SNX29: variants seen among roughly 807,000 people sequenced by gnomAD.
The protein encoded by SNX29 is sorting nexin-29.
A neutral mutation model predicts 102.1 loss-of-function variants in SNX29; 78 were observed. The ratio of observed to expected loss-of-function variants is 0.76; its 90% CI spans 0.64 to 0.92. The LOEUF is 0.92. SNX29 is among the 40% of genes least tolerant of loss of function. The pLI is 0.00. For missense variants in SNX29, 1,280 were observed against 1,061.7 expected (o/e 1.21, Z -2.86); for synonymous variants, 580 against 414.5 (o/e 1.40, Z -4.85).
intron 4 of SNX29, among the ~76,000 whole-genome samples, chr16:12,040,287 AG>A (rs2049826417): frequency 6.6e-6 from 1 of 152,130 alleles, no homozygotes; most frequent in African/African-American, 2.4e-5. Flanking sequence ...CTGAGACAGG[AG>A]GATCACTTGA....
rs2151218423 is a variant in SNX29, at chr16:12,051,901, C to T, written c.803C>T (p.Ser268Leu). 1 of 1,613,210 alleles carries T rather than the reference C, an allele frequency of 6.2e-7. No individual in the cohort carries two copies. Among genetic ancestry groups the T allele is most frequent in the Non-Finnish European group, 8.5e-7 (1 of 1,179,770 alleles). Residue 268 changes from serine to leucine, a missense_variant, in exon 8 of 21, where the codon TCA becomes TTA. Ser to Leu is a moderately radical substitution (Grantham distance 145). Transcript: ENST00000566228. The part of the protein sequence containing the change: ...KKKKKVTNII[S>L]FDDEEDEQNS... ...AAAAAGAAAGTGACCAACATAATCT[C>T]ATTTGATGATGAGGAAGATGAGCAG... is the stretch of plus-strand genomic sequence containing the variant.
intron 18 of SNX29, among the ~76,000 whole-genome samples, chr16:12,420,539 A>G (rs1358511288): frequency 1.3e-5 from 2 of 152,126 alleles, no homozygotes; most frequent in East Asian, 1.9e-4. Flanking sequence ...CTCAAGATGG[A>G]GTATGGTGTT....
rs146478616 is a variant in SNX29 at position 12,473,747 on chromosome 16, T to C, written c.2038-3972T>C. Among the ~76,000 whole-genome samples the C allele has an allele frequency of 2.3e-3, 343 of 152,316 alleles. 2 individuals carry two copies. Among genetic ancestry groups the C allele is most frequent in the African/African-American group, 8.1e-3 (335 of 41,568 alleles). The stretch of plus-strand genomic sequence containing the variant: ...TAAAACCCACCAAAACCAAGATGGC[T>C]ACTAGAGTGACCTCTGGGTGTCCTC... On this transcript the variant is annotated intron_variant, in intron 18 of 20. Transcript: ENST00000566228.
intron 13 of SNX29, among the ~76,000 whole-genome samples, chr16:12,149,758 C>CTGAG (rs986977069): frequency 1.5e-4 from 23 of 152,156 alleles, no homozygotes; most frequent in African/African-American, 5.6e-4. Context: ...GGGCTGCTGT[C>CTGAG]TGAGACACAG....
intron 14 of SNX29, among the ~76,000 whole-genome samples, chr16:12,251,406 A>G (rs1408873236): frequency 6.6e-6 from 1 of 152,198 alleles, no homozygotes; most frequent in South Asian, 2.1e-4. Flanking sequence ...CAAGCCAGCA[A>G]TATAAGAATT....
At chr16:12,472,950 A>G (rs896439642) in intron 18 of SNX29, among the ~76,000 whole-genome samples, 6 of 152,150 alleles carry the variant, frequency 3.9e-5, no homozygotes, top group African/African-American at 1.4e-4. Flanking sequence ...GAGATCCGAC[A>G]TAAAGTGGCT....
chr16:12,024,869 T>TTTTTTG (rs2057143618), intron 3 of SNX29, among the ~76,000 whole-genome samples: 1 of 152,188 alleles, frequency 6.6e-6, no homozygotes, highest in Non-Finnish European at 1.5e-5. Flanking sequence ...ACCCCAGAGT[T>TTTTTTG]TTTTTGTTTT....
intron 20 of SNX29, among the ~76,000 whole-genome samples, chr16:12,544,010 C>G (rs1367282445): frequency 6.6e-6 from 1 of 152,172 alleles, no homozygotes; most frequent in African/African-American, 2.4e-5. Flanking sequence ...ATGCAAAAGC[C>G]CTGGACTCTA....
intron 20 of SNX29, chr16:12,527,098 T>C (rs1597746544): frequency 2.2e-6 from 1 of 453,236 alleles, no homozygotes; most frequent in Admixed American, 3.0e-5. Flanking sequence ...ACAGCTCTTT[T>C]AATAAAAGCT....
intron 18 of SNX29, among the ~76,000 whole-genome samples, chr16:12,466,868 A>C (rs1350526173): frequency 6.6e-6 from 1 of 152,200 alleles, no homozygotes; most frequent in Admixed American, 6.5e-5. Flanking sequence ...CTGTTCCATG[A>C]GTCCTCTAAC....
chr16:12,332,826 C>A (rs1374512304), intron 15 of SNX29, among the ~76,000 whole-genome samples: 1 of 152,106 alleles, frequency 6.6e-6, no homozygotes, highest in Non-Finnish European at 1.5e-5. Flanking sequence ...TCTTTCATTT[C>A]GTCTTGGCTG....
At chr16:12,437,568 AT>A (rs2085593522) in intron 18 of SNX29, among the ~76,000 whole-genome samples, 1 of 152,244 alleles carries the variant, frequency 6.6e-6, no homozygotes, top group African/African-American at 2.4e-5. Context: ...GGTAGACAAC[AT>A]CTCTGTCTCC....
chr16:12,069,216 G>T (rs1323494038), intron 10 of SNX29, 84 bp downstream of exon 10: 3 of 1,172,312 alleles, frequency 2.6e-6, no homozygotes, highest in Non-Finnish European at 3.7e-6. Context: ...AAAGATAGGA[G>T]TGCACCTGCT....
At chr16:12,533,643 G>A (rs1567664492) in intron 20 of SNX29, among the ~76,000 whole-genome samples, 1 of 152,160 alleles carries the variant, frequency 6.6e-6, no homozygotes, top group Non-Finnish European at 1.5e-5. Flanking sequence ...TGGGGCCTTG[G>A]TTCTGTGATC....
intron 19 of SNX29, among the ~76,000 whole-genome samples, chr16:12,483,753 C>A (rs2088089602): frequency 6.6e-6 from 1 of 152,214 alleles, no homozygotes; most frequent in Non-Finnish European, 1.5e-5. Context: ...GGGCTCTGCT[C>A]ATCACAGTGC....
At chr16:12,087,571 T>G (rs2052268033) in intron 11 of SNX29, 1 of 333,452 alleles carries the variant, frequency 3.0e-6, no homozygotes, top group Admixed American at 4.1e-5. Flanking sequence ...TACCCCAGCC[T>G]GGGCAACAGA....
rs182640871 is a variant in SNX29, at chr16:12,527,380, C to T, written c.2318+2539C>T. 50 of 502,690 alleles carry T rather than the reference C, an allele frequency of 9.9e-5. 2 individuals carry two copies. In the Admixed American group the frequency reaches 1.2e-3, roughly 12 times the overall value. The allele number at this position is 502,690 out of a possible 1,614,324, so 31.1% of individuals were successfully genotyped here. A position where few individuals can be genotyped will look rare whatever the true frequency, so the allele number is the denominator to read the frequency against. On this transcript the variant is annotated intron_variant, in intron 20 of 20. Coordinates refer to ENST00000566228, the MANE Select transcript of SNX29 (RefSeq NM_032167.5). Reference sequence around the variant, plus strand: ...AAAAAAAAATAAAAAATAAAAATCTCCTGCCTAAGGAAATAAACCCCCAAA... The same window carrying T: ...AAAAAAAAATAAAAAATAAAAATCTTCTGCCTAAGGAAATAAACCCCCAAA...
At position 12,118,313 on chromosome 16, in the gene SNX29, C is replaced by CTTTTTTTTTTTTTTTTTTT. The variant is rs869186902; in HGVS notation, c.1403-8315_1403-8297dup. On this transcript the variant is annotated intron_variant, in intron 11 of 20. Transcript: ENST00000566228. Reference sequence around the variant, plus strand: ...TGTAGATAGTAGATATACAGACCACCTTTTTTTTTTTTTTTTTTTTTTTAT... The same window carrying CTTTTTTTTTTTTTTTTTTT: ...TGTAGATAGTAGATATACAGACCACCTTTTTTTTTTTTTTTTTTTTTTTTTTTTTTTTTTTTTTTTTTAT... 1.2e-4 allele frequency among the ~76,000 whole-genome samples: 10 copies of CTTTTTTTTTTTTTTTTTTT among 86,122 alleles called. 1 individual carries two copies. The highest frequency in any genetic ancestry group is 4.9e-4 in the South Asian group (1 of 2,032). The allele number at this position is 86,122 out of a possible 152,430, so 56.5% of individuals were successfully genotyped here.
At chr16:12,449,454 G>A (rs2086207534) in intron 18 of SNX29, among the ~76,000 whole-genome samples, 1 of 152,086 alleles carries the variant, frequency 6.6e-6, no homozygotes, top group Non-Finnish European at 1.5e-5. Flanking sequence ...AGGTAATGAT[G>A]TTTGTATTTG....
Sources: gnomAD v4.1 joint callset for allele counts (sites outside exome capture counted in the v4.1 genomes callset) on GRCh38, gnomAD v4.1.1 for gene constraint, MANE v1.5 for transcripts, NCBI Gene and HGNC (gene_info 2026-07-23, HGNC 2026-07-21) for gene names.